SPATC1: variants seen among roughly 807,000 people sequenced by gnomAD.
The protein encoded by SPATC1 is spermatogenesis and centriole associated 1, also known as speriolin.
In SPATC1, 35 loss-of-function variants were observed where a neutral mutation model predicts 36.5. That is an observed-to-expected ratio of 0.96 (90% CI 0.73 to 1.27). The LOEUF (loss-of-function observed/expected upper bound fraction) is 1.27. Among genes scored for constraint, SPATC1 ranks in the 50% most tolerant of loss-of-function variants. The pLI, the probability that SPATC1 is intolerant of heterozygous loss-of-function variation, is 0.00. For missense variants in SPATC1, 779 were observed against 796.0 expected (o/e 0.98, Z 0.26); for synonymous variants, 361 against 353.6 (o/e 1.02, Z -0.24).
intron 1 of SPATC1, among the ~76,000 whole-genome samples, chr8:144,028,064 T>C (rs1834721890): frequency 6.6e-6 from 1 of 151,942 alleles, no homozygotes; most frequent in African/African-American, 2.4e-5. Context: ...TCAAGATGGA[T>C]TAAATACTTA....
At chr8:144,012,266 G>A (rs1834293341), upstream of SPATC1, 1 of 507,552 alleles carries the variant, frequency 2.0e-6, no homozygotes, top group African/African-American at 1.9e-5. Context: ...TGGCGAGACA[G>A]AGAAAAGGTC....
rs1165801794 is a variant in SPATC1 at position 144,029,202 on chromosome 8, T to TAAAAAAAAA, written c.212-10685_212-10677dup. Among the ~76,000 whole-genome samples the TAAAAAAAAA allele has an allele frequency of 4.8e-3, 136 of 28,162 alleles. 17 individuals are homozygous for TAAAAAAAAA. Among genetic ancestry groups the TAAAAAAAAA allele is most frequent in the African/African-American group, 0.015 (132 of 8,842 alleles). The allele number at this position is 28,162 out of a possible 152,430, so 18.5% of individuals were successfully genotyped here. On this transcript the variant is annotated intron_variant, in intron 1 of 4. Transcript: ENST00000377470. Reference sequence around the variant, plus strand: ...ACATCCTACACATGTACCCCAGAACTAAAAAAAAAAAAAAAAAAAAAAAAA... The same window carrying TAAAAAAAAA: ...ACATCCTACACATGTACCCCAGAACTAAAAAAAAAAAAAAAAAAAAAAAAAAAAAAAAAA...
chr8:144,032,545 G>A (rs1409821252), intron 1 of SPATC1, among the ~76,000 whole-genome samples: 1 of 152,042 alleles, frequency 6.6e-6, no homozygotes, highest in African/African-American at 2.4e-5. Context: ...CAAAGTGCTG[G>A]GATTACAGAC....
rs1554756652 is a variant in SPATC1, at chr8:144,045,562, TG to T, written c.1447-1059del. On this transcript the variant is annotated intron_variant, in intron 4 of 4. Coordinates refer to ENST00000377470, the MANE Select transcript of SPATC1 (RefSeq NM_198572.3). The surrounding 1 kb of genome is among the most constrained non-coding windows in gnomAD (Gnocchi z 5.2). ...GCTGGAAGAGGGGTGCAGGGACAGA[TG>T]GGGGGACACTGGAGGGTGGCCCTCC... is the stretch of plus-strand genomic sequence containing the variant. Among the ~76,000 whole-genome samples, 1 of 152,072 alleles carries T rather than the reference TG, an allele frequency of 6.6e-6. No individual in the cohort carries two copies. Among genetic ancestry groups the T allele is most frequent in the Non-Finnish European group, 1.5e-5 (1 of 67,982 alleles).
rs1477753996 is a variant in SPATC1 at position 144,019,760 on chromosome 8, G to C, written c.211+7034G>C. On this transcript the variant is annotated intron_variant, in intron 1 of 4. Transcript: ENST00000377470. ...TGACAGGTGGGACAGCCGTCAGCAC[G>C]GAACAGGCAGTCAAGAAAGGAGGAC... Among the ~76,000 whole-genome samples the C allele has an allele frequency of 5.3e-5, 8 of 152,158 alleles. No homozygotes were observed. The South Asian group carries it at 1.7e-3, about 32-fold the overall frequency.
chr8:144,015,261 CACT>C (rs1324648644), intron 1 of SPATC1, among the ~76,000 whole-genome samples: 1 of 150,972 alleles, frequency 6.6e-6, no homozygotes, highest in Non-Finnish European at 1.5e-5. Context: ...AAGCTGGCCA[CACT>C]GGTCTCAAAC....
intron 1 of SPATC1, among the ~76,000 whole-genome samples, chr8:144,032,671 A>G (rs1834821410): frequency 6.6e-6 from 1 of 152,052 alleles, no homozygotes; most frequent in Non-Finnish European, 1.5e-5. Flanking sequence ...CCCAGGGTTT[A>G]TTGCTGCTTG....
Position 144,046,724 on chromosome 8 carries a change from G to T in SPATC1, c.1544G>T (p.Gly515Val). The T allele has an allele frequency of 6.2e-7, 1 of 1,612,544 alleles. No individual in the cohort carries two copies. ...VSVMNRLQSLGYNGRVHPALT... is the reference protein window; with the variant it reads ...VSVMNRLQSLVYNGRVHPALT... ...GTCATGAACAGGCTGCAGAGTCTGG[G>T]CTACAACGGGCGGGTGCACCCTGCG... Residue 515 changes from glycine to valine, a missense_variant, in exon 5 of 5, where the codon GGC (glycine) becomes GTC (valine). Transcript: ENST00000377470. The surrounding 1 kb of genome is among the most constrained non-coding windows in gnomAD (Gnocchi z 6.6).
At chr8:144,013,422 A>G (rs1353518257) in intron 1 of SPATC1, among the ~76,000 whole-genome samples, 2 of 152,028 alleles carry the variant, frequency 1.3e-5, no homozygotes, top group Non-Finnish European at 2.9e-5. Context: ...ACTCCAAACT[A>G]GACATGTTTC....
Position 144,039,998 on chromosome 8 carries a change from C to A in SPATC1, c.301C>A (p.Leu101Ile), listed in dbSNP as rs1308450199. ...GGCCTTGGCACCCCTGGCCGAGATG[C>A]TAACCAGCTTGCAGCCCAGCGCCAC... ...IMALAPLAEM[L>I]TSLQPSATPG... Residue 101 changes from leucine (L) to isoleucine (I), a missense_variant, in exon 2 of 5, where the codon CTA becomes ATA. Leu to Ile is a conservative substitution (Grantham distance 5). Coordinates refer to ENST00000377470, the MANE Select transcript of SPATC1 (RefSeq NM_198572.3). 3 of 1,613,832 alleles carry A rather than the reference C, an allele frequency of 1.9e-6. No homozygotes were observed. The highest frequency in any genetic ancestry group is 1.7e-6 in the Non-Finnish European group (2 of 1,180,002).
chr8:144,036,207 C>A (rs1422135741), intron 1 of SPATC1, among the ~76,000 whole-genome samples: 1 of 152,148 alleles, frequency 6.6e-6, no homozygotes, highest in African/African-American at 2.4e-5. Context: ...GAGTTTGAGA[C>A]CAGCTTGGGC....
intron 3 of SPATC1, 22 bp from the exon 4 acceptor site, chr8:144,041,210 T>C (rs1554755987): frequency 3.7e-6 from 6 of 1,612,852 alleles, no homozygotes; most frequent in Non-Finnish European, 4.2e-6. Context: ...TCACCTGGGC[T>C]GACGAGACCC....
At chr8:144,035,025 A>C (rs1209697986) in intron 1 of SPATC1, among the ~76,000 whole-genome samples, 1 of 152,232 alleles carries the variant, frequency 6.6e-6, no homozygotes, top group African/African-American at 2.4e-5. Context: ...TAGTACTGTA[A>C]ATGATTTCAC....
At chr8:144,041,671 G>A (rs540894049) in intron 4 of SPATC1, among the ~76,000 whole-genome samples, 181 of 152,334 alleles carry the variant, frequency 1.2e-3, no homozygotes, top group African/African-American at 3.6e-3. Context: ...CCAGCATGCC[G>A]GAGTGTGCGT....
rs190926522 is a variant in SPATC1, at chr8:144,045,477, A to C, written c.1447-1150A>C. 1.3e-5 allele frequency among the ~76,000 whole-genome samples: 2 copies of C among 152,240 alleles called. No homozygotes were observed. Among genetic ancestry groups the C allele is most frequent in the African/African-American group, 4.8e-5 (2 of 41,466 alleles). ...AGCTTGTGTGGGCAAGGAGTAGGGAAGAGTATTCCCTGCAGGTTGGGGACC... is the reference window on the plus strand; with the variant it reads ...AGCTTGTGTGGGCAAGGAGTAGGGACGAGTATTCCCTGCAGGTTGGGGACC... On this transcript the variant is annotated intron_variant, in intron 4 of 4. Coordinates refer to ENST00000377470, the MANE Select transcript of SPATC1 (RefSeq NM_198572.3). This position sits in a 1 kb window ranked among gnomAD's most constrained non-coding sequence, Gnocchi z 5.2.
intron 1 of SPATC1, among the ~76,000 whole-genome samples, chr8:144,018,004 C>CTGAG (rs1297397267): frequency 6.6e-6 from 1 of 152,074 alleles, no homozygotes; most frequent in Non-Finnish European, 1.5e-5. Context: ...ATAATTCAAG[C>CTGAG]TGAGGTAGGG....
At chr8:144,017,221 C>A (rs1554753359) in intron 1 of SPATC1, among the ~76,000 whole-genome samples, 2 of 152,204 alleles carry the variant, frequency 1.3e-5, no homozygotes, top group African/African-American at 4.8e-5. Context: ...CAAGGCAGAT[C>A]TCTATAGTTG....
chr8:144,041,373 T>G lies in SPATC1; in HGVS notation c.1446+2T>G. On this transcript the variant is annotated splice_donor_variant, in intron 4 of 4. Transcript: ENST00000377470. LOFTEE classifies it high-confidence loss of function. ...AACATCCCAGAGAAGATCATCCAGG[T>G]GTGCGGCCAGGGGTCCTGCAGGGAC... The G allele has an allele frequency of 6.2e-7, 1 of 1,607,340 alleles. No homozygotes were observed. The highest frequency in any genetic ancestry group is 8.5e-7 in the Non-Finnish European group (1 of 1,179,798).
intron 1 of SPATC1, among the ~76,000 whole-genome samples, chr8:144,026,987 C>CTTTTTTTTTTTTTT (rs1169014232): frequency 7.4e-4 from 85 of 114,284 alleles, no homozygotes; most frequent in Non-Finnish European, 9.8e-4. Context: ...TTTTTTTTTT[C>CTTTTTTTTTTTTTT]TTTTTTTTTT....
Sources: gnomAD v4.1 joint callset for allele counts (sites outside exome capture counted in the v4.1 genomes callset) on GRCh38, gnomAD v4.1.1 for gene constraint, Gnocchi (gnomAD v3.1) non-coding constraint, MANE v1.5 for transcripts, NCBI Gene and HGNC (gene_info 2026-07-23, HGNC 2026-07-21) for gene names.